The following EDA variants were observed in gnomAD, a reference collection of about 807,000 sequenced individuals.
The protein encoded by EDA is ectodysplasin A, also known as ectodysplasin-A.
In EDA, 2 loss-of-function variants were observed where a neutral mutation model predicts 23.6. The observed-to-expected ratio is 0.08, with a 90% confidence interval of 0.03 to 0.27. The LOEUF is 0.27. Among genes scored for constraint, EDA ranks in the 10% least tolerant of loss-of-function variants. EDA has a pLI of 1.00. For missense variants in EDA, 229 were observed against 324.2 expected (o/e 0.71, Z 2.26); for synonymous variants, 131 against 132.0 (o/e 0.99, Z 0.05).
chrX:69,651,917 T>C (rs193143839), intron 1 of EDA, among the ~76,000 whole-genome samples: 4 of 110,608 alleles, frequency 3.6e-5, no homozygotes, highest in African/African-American at 1.3e-4. Context: ...GATCACCTGA[T>C]GAATTTGGTG....
chrX:69,788,411 A>G (rs1348008948), intron 1 of EDA, among the ~76,000 whole-genome samples: 1 of 110,873 alleles, frequency 9.0e-6, no homozygotes, highest in Non-Finnish European at 1.9e-5. Flanking sequence ...TTTTTTTCCC[A>G]TCTTTGTGGT....
intron 1 of EDA, among the ~76,000 whole-genome samples, chrX:69,869,270 G>T (rs1313354835): frequency 9.0e-6 from 1 of 110,763 alleles, no homozygotes; most frequent in East Asian, 2.9e-4. Flanking sequence ...AGTCTGACCT[G>T]AGCTAAAACT....
At chrX:69,856,070 A>G (rs138642986) in intron 1 of EDA, among the ~76,000 whole-genome samples, 1 of 110,321 alleles carries the variant, frequency 9.1e-6, no homozygotes, top group Non-Finnish European at 1.9e-5. Context: ...TCAAGTCCCC[A>G]AAGTCCATTG....
intron 1 of EDA, among the ~76,000 whole-genome samples, chrX:69,663,243 C>G (rs749533181): frequency 8.9e-6 from 1 of 112,024 alleles, no homozygotes; most frequent in South Asian, 3.7e-4. Flanking sequence ...CCCTCACAAG[C>G]CCAAGGCATA....
chrX:69,733,951 T>C (rs149845713), intron 1 of EDA, among the ~76,000 whole-genome samples: 1,688 of 110,364 alleles, frequency 0.015, 30 homozygotes, highest in African/African-American at 0.054. Context: ...AATCGCTTCA[T>C]ATAAAATGAG....
chrX:69,980,747 A>G (rs1269054088), intron 2 of EDA, among the ~76,000 whole-genome samples: 2 of 112,310 alleles, frequency 1.8e-5, no homozygotes, highest in African/African-American at 6.5e-5. Flanking sequence ...TAATCCTCCC[A>G]TCATCTCTGC....
chrX:69,707,707 T>C (rs2011784384), intron 1 of EDA, among the ~76,000 whole-genome samples: 1 of 111,519 alleles, frequency 9.0e-6, no homozygotes, highest in Non-Finnish European at 1.9e-5. Context: ...ATAATTCTTA[T>C]ACATGAAATT....
chrX:69,707,412 G>A (rs375569393), intron 1 of EDA, among the ~76,000 whole-genome samples: 2 of 112,071 alleles, frequency 1.8e-5, no homozygotes, highest in African/African-American at 6.5e-5. Context: ...GACAAAGTGA[G>A]TGAGTTCATC....
chrX:69,858,336 G>T (rs1342747321), intron 1 of EDA, among the ~76,000 whole-genome samples: 2 of 111,990 alleles, frequency 1.8e-5, no homozygotes, highest in East Asian at 5.6e-4. Flanking sequence ...TCCAGCTTTT[G>T]CCCATTAAGT....
intron 1 of EDA, among the ~76,000 whole-genome samples, chrX:69,949,324 T>G (rs1270809073): frequency 8.9e-6 from 1 of 111,793 alleles, no homozygotes; most frequent in Non-Finnish European, 1.9e-5. Flanking sequence ...GAGGACTTTG[T>G]TTTTTTAGTC....
chrX:69,641,243 T>C (rs1300164190), intron 1 of EDA, among the ~76,000 whole-genome samples: 1 of 111,862 alleles, frequency 8.9e-6, no homozygotes, highest in Non-Finnish European at 1.9e-5. Context: ...AAATGTAAAA[T>C]TTTCTAAATT....
intron 1 of EDA, among the ~76,000 whole-genome samples, chrX:69,751,610 C>A (rs1218892502): frequency 8.9e-6 from 1 of 111,900 alleles, no homozygotes; most frequent in East Asian, 2.8e-4. Flanking sequence ...TATAAATTAC[C>A]TTGGACAGTA....
intron 1 of EDA, among the ~76,000 whole-genome samples, chrX:69,863,511 ATATGTATATATATGTG>A (rs1273040739): frequency 3.0e-5 from 1 of 33,638 alleles, no homozygotes; most frequent in Non-Finnish European, 9.1e-5. Flanking sequence ...ATATACATAT[ATATGTATATATATGTG>A]TGTGTATATA....
At chrX:69,828,742 A>G (rs1339705505) in intron 1 of EDA, among the ~76,000 whole-genome samples, 1 of 112,291 alleles carries the variant, frequency 8.9e-6, no homozygotes, top group East Asian at 2.8e-4. Flanking sequence ...TTATTCTATT[A>G]AAGATAGGAA....
At chrX:69,834,189 G>A (rs1442939377) in intron 1 of EDA, among the ~76,000 whole-genome samples, 1 of 110,596 alleles carries the variant, frequency 9.0e-6, no homozygotes, top group Non-Finnish European at 1.9e-5. Flanking sequence ...TGTTGATTTG[G>A]GGTGGAGAGT....
At chrX:69,918,781 C>T (rs1486705044) in intron 1 of EDA, among the ~76,000 whole-genome samples, 1 of 111,042 alleles carries the variant, frequency 9.0e-6, no homozygotes, top group African/African-American at 3.3e-5. Context: ...ATTGGATTCA[C>T]TATAAATAAA....
intron 1 of EDA, among the ~76,000 whole-genome samples, chrX:69,786,258 G>A (rs77624139): frequency 9.0e-6 from 1 of 110,887 alleles, no homozygotes; most frequent in African/African-American, 3.3e-5. Flanking sequence ...GATTCATTAA[G>A]TTTTTGAAGG....
chrX:69,732,329 C>G (rs1472661306), intron 1 of EDA, among the ~76,000 whole-genome samples: 2 of 111,571 alleles, frequency 1.8e-5, no homozygotes, highest in Admixed American at 9.5e-5. Context: ...CAATTCCCAC[C>G]TATGAGTGAG....
rs146028322 is a variant in EDA at position 70,028,098 on chromosome X, T to C, written c.706+62T>C. 1.3e-3 allele frequency: 1,565 copies of C among 1,165,624 alleles called. 11 individuals carry two copies. In the African/African-American group the frequency reaches 0.025, roughly 18 times the overall value. ...TTAAAGTACTTTAGGAGAGCAGGAG[T>C]GGGTGATCCTGAGAGCAGTTTCAAA... On this transcript the variant is annotated intron_variant, in intron 4 of 7. Coordinates refer to ENST00000374552, the MANE Select transcript of EDA (RefSeq NM_001399.5).
Sources: gnomAD v4.1 joint callset for allele counts (sites outside exome capture counted in the v4.1 genomes callset) on GRCh38, gnomAD v4.1.1 for gene constraint, MANE v1.5 for transcripts, NCBI Gene and HGNC (gene_info 2026-07-23, HGNC 2026-07-21) for gene names.